The following EEFSEC variants were observed in gnomAD, a reference collection of about 807,000 sequenced individuals.
The protein encoded by EEFSEC is selenocysteine-specific elongation factor.
Under a neutral mutation model 42.1 loss-of-function variants are expected in EEFSEC, and 43 were observed. That is an observed-to-expected ratio of 1.02 (90% CI 0.80 to 1.32). The LOEUF (loss-of-function observed/expected upper bound fraction) is 1.32. Ranked by LOEUF, EEFSEC falls within the 40% of genes most tolerant of loss-of-function variation. The probability of loss-of-function intolerance (pLI) is 0.00; values close to 1 mark genes in which losing one functional copy is unlikely to be tolerated. For missense variants in EEFSEC, 745 were observed against 803.6 expected (o/e 0.93, Z 0.88); for synonymous variants, 354 against 339.1 (o/e 1.04, Z -0.48).
intron 1 of EEFSEC, among the ~76,000 whole-genome samples, chr3:128,197,020 T>G (rs940214680): frequency 5.3e-5 from 8 of 152,256 alleles, no homozygotes; most frequent in Non-Finnish European, 1.0e-4. Context: ...TTTTCTCTTA[T>G]TGCTGTGATT....
intron 4 of EEFSEC, 21 bp downstream of exon 4, chr3:128,264,802 C>G (rs1278458404): frequency 3.7e-6 from 6 of 1,604,492 alleles, no homozygotes; most frequent in Non-Finnish European, 4.3e-6. Flanking sequence ...CCTTGTCTTC[C>G]CTTCTGGCCT....
intron 4 of EEFSEC, among the ~76,000 whole-genome samples, chr3:128,309,570 T>C (rs2066868662): frequency 3.3e-5 from 5 of 152,108 alleles, no homozygotes. Flanking sequence ...TACCAGTAAG[T>C]AAAAGACCAT....
intron 1 of EEFSEC, among the ~76,000 whole-genome samples, chr3:128,159,622 C>T (rs566702436): frequency 1.7e-4 from 26 of 151,662 alleles, no homozygotes; most frequent in African/African-American, 5.5e-4. Flanking sequence ...ATCCCATCAA[C>T]GATCCCATCA....
chr3:128,377,326 C>A (rs1159007182), intron 6 of EEFSEC, among the ~76,000 whole-genome samples: 1 of 152,068 alleles, frequency 6.6e-6, no homozygotes, highest in African/African-American at 2.4e-5. Flanking sequence ...TGATTAAGAG[C>A]CTGGGCTCCG....
chr3:128,371,344 G>A (rs2067651762), intron 6 of EEFSEC, among the ~76,000 whole-genome samples: 1 of 152,132 alleles, frequency 6.6e-6, no homozygotes, highest in Non-Finnish European at 1.5e-5. Flanking sequence ...CTGACACTGG[G>A]GCTGGACCAT....
At chr3:128,191,071 A>G (rs1198468826) in intron 1 of EEFSEC, among the ~76,000 whole-genome samples, 1 of 152,180 alleles carries the variant, frequency 6.6e-6, no homozygotes, top group Admixed American at 6.5e-5. Context: ...AGTGCTCTCT[A>G]TGATGTTTGC....
intron 1 of EEFSEC, among the ~76,000 whole-genome samples, chr3:128,218,800 A>T (rs1020880967): frequency 2.0e-5 from 3 of 152,172 alleles, no homozygotes; most frequent in Non-Finnish European, 2.9e-5. Context: ...TATTATTTTT[A>T]TATAATCTTT....
At chr3:128,218,978 G>A (rs1322082066) in intron 1 of EEFSEC, among the ~76,000 whole-genome samples, 3 of 152,162 alleles carry the variant, frequency 2.0e-5, no homozygotes, top group Non-Finnish European at 2.9e-5. Context: ...AATGTCCAGC[G>A]CCTGCCGTCA....
At chr3:128,404,390 T>C (rs902199507) in intron 6 of EEFSEC, among the ~76,000 whole-genome samples, 1 of 152,228 alleles carries the variant, frequency 6.6e-6, no homozygotes, top group Non-Finnish European at 1.5e-5. Flanking sequence ...GTGCGAGGTA[T>C]GCATTGTGTG....
At chr3:128,204,375 GTTA>G (rs961566394) in intron 1 of EEFSEC, among the ~76,000 whole-genome samples, 1 of 152,186 alleles carries the variant, frequency 6.6e-6, no homozygotes, top group Admixed American at 6.5e-5. Context: ...AATATTAACT[GTTA>G]TTATTGCTAT....
At chr3:128,410,981 C>T (rs930052456), downstream of EEFSEC, among the ~76,000 whole-genome samples, 2 of 152,136 alleles carry the variant, frequency 1.3e-5, no homozygotes, top group African/African-American at 4.8e-5. Flanking sequence ...AGCCTCTGAG[C>T]GCCCTGAGTG....
At chr3:128,389,194 G>A (rs554127947) in intron 6 of EEFSEC, among the ~76,000 whole-genome samples, 9 of 152,326 alleles carry the variant, frequency 5.9e-5, no homozygotes, top group African/African-American at 1.7e-4. Flanking sequence ...AGGAGGGAGC[G>A]CAGACATCTG....
intron 4 of EEFSEC, among the ~76,000 whole-genome samples, chr3:128,289,945 T>C (rs1020948312): frequency 1.3e-5 from 2 of 152,230 alleles, no homozygotes; most frequent in African/African-American, 4.8e-5. Flanking sequence ...GTTTGTCTTA[T>C]TGTTGATTTG....
chr3:128,357,168 G>C (rs1050066835), intron 5 of EEFSEC, among the ~76,000 whole-genome samples: 1 of 152,254 alleles, frequency 6.6e-6, no homozygotes, highest in South Asian at 2.1e-4. Context: ...TGAGGAGCTG[G>C]GTGGGGCAGG....
intron 6 of EEFSEC, among the ~76,000 whole-genome samples, chr3:128,387,657 G>A (rs552281213): frequency 1.3e-5 from 2 of 152,192 alleles, no homozygotes; most frequent in Non-Finnish European, 2.9e-5. Flanking sequence ...TCTTTGTCAC[G>A]TGTGCTTAGC....
At chr3:128,392,596 T>A (rs1435060590) in intron 6 of EEFSEC, among the ~76,000 whole-genome samples, 1 of 152,218 alleles carries the variant, frequency 6.6e-6, no homozygotes, top group African/African-American at 2.4e-5. Flanking sequence ...TCAGTGCCAT[T>A]GCTGCTGCCC....
intron 4 of EEFSEC, among the ~76,000 whole-genome samples, chr3:128,323,605 C>A (rs1441057906): frequency 6.6e-6 from 1 of 152,204 alleles, no homozygotes; most frequent in East Asian, 1.9e-4. Flanking sequence ...CTCGCCATAG[C>A]CCCACGGGTG....
chr3:128,351,135 G>A (rs2067380166), intron 5 of EEFSEC, among the ~76,000 whole-genome samples: 1 of 152,132 alleles, frequency 6.6e-6, no homozygotes, highest in Admixed American at 6.5e-5. Flanking sequence ...GAGAGAAGCA[G>A]AGAGCTGTGG....
chr3:128,316,641 G>C (rs2066948747), intron 4 of EEFSEC, among the ~76,000 whole-genome samples: 1 of 152,222 alleles, frequency 6.6e-6, no homozygotes. Flanking sequence ...TGGCGACCAA[G>C]GGCACGTGGG....
Sources: gnomAD v4.1 joint callset for allele counts (sites outside exome capture counted in the v4.1 genomes callset) on GRCh38, gnomAD v4.1.1 for gene constraint, MANE v1.5 for transcripts, NCBI Gene and HGNC (gene_info 2026-07-23, HGNC 2026-07-21) for gene names.